The following EFCAB12 variants were observed in gnomAD, a reference collection of about 807,000 sequenced individuals.
The protein encoded by EFCAB12 is EF-hand calcium-binding domain-containing protein 12.
In EFCAB12, 43 loss-of-function variants were observed where a neutral mutation model predicts 53.6. That is an observed-to-expected ratio of 0.80 (90% CI 0.63 to 1.03). The LOEUF (loss-of-function observed/expected upper bound fraction) is 1.03, where lower values mean the gene tolerates loss of function less well. Ranked by LOEUF, EFCAB12 falls within the 50% of genes least tolerant of loss-of-function variation. The pLI, the probability that EFCAB12 is intolerant of heterozygous loss-of-function variation, is 0.00. For missense variants in EFCAB12, 646 were observed against 730.6 expected, an observed-to-expected ratio of 0.88 and a Z score of 1.34; for synonymous variants, 269 against 289.2, an observed-to-expected ratio of 0.93 and a Z score of 0.71.
chr3:129,406,796 C>T (rs570628075), intron 6 of EFCAB12, among the ~76,000 whole-genome samples: 9 of 151,908 alleles, frequency 5.9e-5, no homozygotes, highest in South Asian at 2.1e-4. Context: ...AGCCACTTCA[C>T]GCTGCTAGAA....
At chr3:129,421,938 G>T in intron 1 of EFCAB12, 135 bp from the exon 2 acceptor site, 1 of 902,346 alleles carries the variant, frequency 1.1e-6, no homozygotes, top group South Asian at 1.8e-5. Flanking sequence ...TTGTCTTGCT[G>T]TAATCGTAAG....
At chr3:129,416,043 A>G (rs12635052) in intron 3 of EFCAB12, among the ~76,000 whole-genome samples, 9,727 of 152,244 alleles carry the variant, frequency 0.064, 933 homozygotes, top group East Asian at 0.44. Flanking sequence ...TCGGCCTCCC[A>G]AAGTGCTGGG....
chr3:129,420,567 C>T (rs561359297), intron 2 of EFCAB12, among the ~76,000 whole-genome samples: 4 of 152,296 alleles, frequency 2.6e-5, no homozygotes, highest in African/African-American at 4.8e-5. Flanking sequence ...ACCTCACAAT[C>T]GTCATCCTCA....
chr3:129,418,005 T>G (rs1348058619), intron 3 of EFCAB12, among the ~76,000 whole-genome samples: 1 of 152,182 alleles, frequency 6.6e-6, no homozygotes, highest in African/African-American at 2.4e-5. Flanking sequence ...CTCCACAGAC[T>G]TTCCACTCAG....
intron 5 of EFCAB12, among the ~76,000 whole-genome samples, chr3:129,410,273 T>G (rs2311393): frequency 0.2 from 30,200 of 151,810 alleles, 4,225 homozygotes; most frequent in East Asian, 0.46. Flanking sequence ...GCCTCCCAAA[T>G]TGCTAGGATT....
intron 4 of EFCAB12, chr3:129,414,390 C>T (rs575626457): frequency 6.6e-6 from 1 of 152,392 alleles, no homozygotes; most frequent in South Asian, 2.1e-4. Flanking sequence ...ACTGCCTCCT[C>T]CAGGGCTCCT....
At chr3:129,424,848 G>C (rs575636542) in intron 1 of EFCAB12, among the ~76,000 whole-genome samples, 1 of 152,342 alleles carries the variant, frequency 6.6e-6, no homozygotes, top group South Asian at 2.1e-4. Flanking sequence ...TCCACCCAAT[G>C]GAACAAGGTG....
intron 4 of EFCAB12, 195 bp from the exon 5 acceptor site, chr3:129,411,549 A>C: frequency 3.9e-6 from 2 of 506,766 alleles, no homozygotes; most frequent in East Asian, 3.5e-5. Context: ...ATCTCCACTA[A>C]TGGCGTCCCT....
intron 3 of EFCAB12, among the ~76,000 whole-genome samples, chr3:129,415,619 C>T (rs1330463934): frequency 6.6e-6 from 1 of 152,184 alleles, no homozygotes; most frequent in Non-Finnish European, 1.5e-5. Context: ...TCAGGCAGTT[C>T]CCCTTCTCTG....
chr3:129,405,107 G>A (rs2071931381), intron 6 of EFCAB12, among the ~76,000 whole-genome samples: 2 of 152,138 alleles, frequency 1.3e-5, no homozygotes, highest in African/African-American at 2.4e-5. Flanking sequence ...GAGCCACTGC[G>A]CCCAGCCCAC....
chr3:129,426,508 G>A (rs150708888), intron 1 of EFCAB12, among the ~76,000 whole-genome samples: 21 of 151,674 alleles, frequency 1.4e-4, no homozygotes, highest in Non-Finnish European at 2.5e-4. Flanking sequence ...GGGACTACAG[G>A]TGTCTGCCAC....
chr3:129,415,135 A>G, intron 4 of EFCAB12, 110 bp downstream of exon 4: 1 of 1,361,538 alleles, frequency 7.3e-7, no homozygotes, highest in South Asian at 1.7e-5. Context: ...GTCGGCCAAA[A>G]CTGGGGAACA....
chr3:129,416,418 AAAAC>A (rs139810830), intron 3 of EFCAB12, among the ~76,000 whole-genome samples: 10,946 of 151,400 alleles, frequency 0.072, 1,287 homozygotes, highest in African/African-American at 0.25. Flanking sequence ...GCTCCGTCTC[AAAAC>A]AAACAAACAA....
At chr3:129,419,108 T>C (rs1049466775) in intron 2 of EFCAB12, among the ~76,000 whole-genome samples, 1 of 152,196 alleles carries the variant, frequency 6.6e-6, no homozygotes. Context: ...CCCACTAACA[T>C]GTGAACACCT....
chr3:129,413,960 G>A (rs757126737), intron 4 of EFCAB12: 4 of 152,212 alleles, frequency 2.6e-5, no homozygotes, highest in Non-Finnish European at 5.9e-5. Flanking sequence ...TGTGGTCATT[G>A]AAATGACTCA....
At chr3:129,420,379 T>C (rs1189050748) in intron 2 of EFCAB12, among the ~76,000 whole-genome samples, 2 of 152,226 alleles carry the variant, frequency 1.3e-5, no homozygotes, top group African/African-American at 2.4e-5. Flanking sequence ...AGCTAGGAAG[T>C]AGCAGAGCTA....
At chr3:129,426,675 T>A (rs1243639070) in intron 1 of EFCAB12, among the ~76,000 whole-genome samples, 1 of 150,324 alleles carries the variant, frequency 6.7e-6, no homozygotes, top group African/African-American at 2.4e-5. Context: ...GGGATCTTTT[T>A]TTATTATTTA....
At chr3:129,420,610 T>C (rs1265299401) in intron 2 of EFCAB12, among the ~76,000 whole-genome samples, 2 of 152,234 alleles carry the variant, frequency 1.3e-5, no homozygotes. Context: ...CTCAGCAAAC[T>C]TGTGTCAATG....
At chr3:129,416,601 G>A (rs1016734008) in intron 3 of EFCAB12, among the ~76,000 whole-genome samples, 2 of 152,166 alleles carry the variant, frequency 1.3e-5, no homozygotes, top group African/African-American at 2.4e-5. Flanking sequence ...TTAAAACCAC[G>A]AAAGACATCA....
Sources: allele counts gnomAD v4.1 joint callset (sites outside exome capture counted in the v4.1 genomes callset), GRCh38; gene constraint gnomAD v4.1.1; transcripts MANE v1.5; gene names NCBI Gene and HGNC (gene_info 2026-07-23, HGNC 2026-07-21).